MANBA: variants seen among roughly 807,000 people sequenced by gnomAD.
The protein encoded by MANBA is mannosidase beta.
In MANBA, 83 loss-of-function variants were observed where a neutral mutation model predicts 111.1. The observed-to-expected ratio is 0.75, with a 90% CI of 0.63 to 0.90. The LOEUF (loss-of-function observed/expected upper bound fraction) is 0.90, where lower values mean the gene tolerates loss of function less well. MANBA is among the 40% of genes least tolerant of loss of function. The pLI, the probability that MANBA is intolerant of heterozygous loss-of-function variation, is 0.00. For missense variants in MANBA, 1,036 were observed against 1,069.0 expected (o/e 0.97, Z 0.43); for synonymous variants, 370 against 378.7 (o/e 0.98, Z 0.27).
At chr4:102,638,960 C>A (rs916459754) in intron 14 of MANBA, among the ~76,000 whole-genome samples, 1 of 152,316 alleles carries the variant, frequency 6.6e-6, no homozygotes, top group African/African-American at 2.4e-5. Context: ...TACTTTGTGG[C>A]CTTGCCTCGT....
At chr4:102,735,055 C>T (rs1366359189) in intron 1 of MANBA, among the ~76,000 whole-genome samples, 1 of 152,146 alleles carries the variant, frequency 6.6e-6, no homozygotes, top group Non-Finnish European at 1.5e-5. Flanking sequence ...ACCTTTTTTG[C>T]TGCTGTGTAG....
chr4:102,661,372 C>T (rs998189104), intron 11 of MANBA, among the ~76,000 whole-genome samples: 1 of 152,114 alleles, frequency 6.6e-6, no homozygotes, highest in African/African-American at 2.4e-5. Flanking sequence ...TTCCCTTTGA[C>T]AGCAGAGTGT....
At chr4:102,738,331 C>T (rs1265180738) in intron 1 of MANBA, among the ~76,000 whole-genome samples, 1 of 152,244 alleles carries the variant, frequency 6.6e-6, no homozygotes, top group Non-Finnish European at 1.5e-5. Flanking sequence ...AATGAAGCTA[C>T]AACCAAGGAC....
intron 1 of MANBA, among the ~76,000 whole-genome samples, chr4:102,743,079 G>T (rs765367058): frequency 6.6e-6 from 1 of 152,204 alleles, no homozygotes; most frequent in Non-Finnish European, 1.5e-5. Context: ...TCCACAGAAC[G>T]AGTCATCCTA....
At chr4:102,673,659 G>A in intron 8 of MANBA, among the ~76,000 whole-genome samples, 1 of 152,036 alleles carries the variant, frequency 6.6e-6, no homozygotes, top group East Asian at 1.9e-4. Context: ...TATTTCTCCA[G>A]AATAAACATA....
At chr4:102,696,534 T>C (rs1211483114) in intron 5 of MANBA, among the ~76,000 whole-genome samples, 1 of 152,158 alleles carries the variant, frequency 6.6e-6, no homozygotes, top group African/African-American at 2.4e-5. Flanking sequence ...TATACCCAAG[T>C]GTCGCAGTTA....
Position 102,635,929 on chromosome 4 carries a change from T to A in MANBA, c.2093A>T (p.Asn698Ile). Residue 698 changes from asparagine to isoleucine, a missense_variant, in exon 15 of 17, where the codon AAT becomes ATT. Physicochemically the swap from Asn to Ile is moderately radical, Grantham distance 149. Coordinates refer to ENST00000647097, the MANE Select transcript of MANBA (RefSeq NM_005908.4). Reference protein sequence around the residue: ...FAPLLPVGFENENTFYIYGVS... With the variant: ...FAPLLPVGFEIENTFYIYGVS... ...ACCATAGATATAGAACGTGTTTTCA[T>A]TCTCAAAGCCTACTGGCAACAGTGG... 6.2e-7 allele frequency: 1 copy of A among 1,612,020 alleles called. No homozygotes were observed. The highest frequency in any genetic ancestry group is 2.2e-5 in the East Asian group (1 of 44,874).
At position 102,734,692 on chromosome 4, in the gene MANBA, C is replaced by A. The variant is rs1242647964; in HGVS notation, c.178-8009G>T. 2.9e-5 allele frequency: 28 copies of A among 982,160 alleles called. No homozygotes were observed. In the South Asian group the frequency reaches 4.4e-4, roughly 15 times the overall value. 60.8% of individuals were successfully genotyped at this position (982,160 alleles called of 1,614,324 possible). Reference sequence around the variant, plus strand: ...CCTCCTGGGAATCTATATCCTGTTCCCCCTCTCCATCCCAGGTTCAGGGTC... The same window carrying A: ...CCTCCTGGGAATCTATATCCTGTTCACCCTCTCCATCCCAGGTTCAGGGTC... On this transcript the variant is annotated intron_variant, in intron 1 of 16. Transcript: ENST00000647097.
chr4:102,711,909 G>T (rs1383677286), intron 5 of MANBA, among the ~76,000 whole-genome samples: 3 of 152,040 alleles, frequency 2.0e-5, no homozygotes, highest in African/African-American at 7.2e-5. Flanking sequence ...GGCTAGGAGG[G>T]GTATATGAGT....
intron 7 of MANBA, among the ~76,000 whole-genome samples, chr4:102,676,664 T>C (rs1731741500): frequency 6.6e-6 from 1 of 151,862 alleles, no homozygotes; most frequent in African/African-American, 2.4e-5. Context: ...TGTATTTGTC[T>C]GTTATCAGCA....
intron 8 of MANBA, 121 bp from the exon 9 acceptor site, chr4:102,671,519 T>C: frequency 2.9e-6 from 2 of 692,534 alleles, no homozygotes; most frequent in South Asian, 1.6e-5. Flanking sequence ...TTGGTTACAA[T>C]GTAAATTAAA....
intron 11 of MANBA, among the ~76,000 whole-genome samples, chr4:102,660,513 G>A (rs1578878558): frequency 2.0e-5 from 3 of 151,974 alleles, no homozygotes; most frequent in East Asian, 3.8e-4. Flanking sequence ...GGAGTGCAGT[G>A]GCATGATCAT....
chr4:102,716,309 CAAAA>C (rs56345161), intron 4 of MANBA, among the ~76,000 whole-genome samples: 1 of 39,112 alleles, frequency 2.6e-5, no homozygotes, highest in South Asian at 1.5e-3. Context: ...AACTCAGTCT[CAAAA>C]AAAAAAAAAA....
intron 11 of MANBA, among the ~76,000 whole-genome samples, chr4:102,660,540 G>A (rs1578878602): frequency 1.3e-5 from 2 of 151,774 alleles, no homozygotes; most frequent in Admixed American, 6.6e-5. Flanking sequence ...CTGCAGCCTC[G>A]ACCTTCTGGG....
chr4:102,669,632 G>T (rs1319854273), intron 9 of MANBA, among the ~76,000 whole-genome samples: 1 of 151,840 alleles, frequency 6.6e-6, no homozygotes, highest in African/African-American at 2.4e-5. Context: ...ATCACCTGAG[G>T]TCAAGAGTTC....
chr4:102,691,624 G>C (rs929988059), intron 5 of MANBA, among the ~76,000 whole-genome samples: 4 of 150,952 alleles, frequency 2.6e-5, no homozygotes, highest in African/African-American at 9.8e-5. Context: ...TCCTGCCTCA[G>C]CCTTCTGAGC....
chr4:102,743,881 C>T (rs576478046), intron 1 of MANBA, among the ~76,000 whole-genome samples: 1 of 152,290 alleles, frequency 6.6e-6, no homozygotes, highest in South Asian at 2.1e-4. Flanking sequence ...GGCTTTGCTC[C>T]AAAATCCTAG....
At chr4:102,654,868 C>T in intron 12 of MANBA, among the ~76,000 whole-genome samples, 1 of 151,934 alleles carries the variant, frequency 6.6e-6, no homozygotes. Flanking sequence ...AAAAGGCTTC[C>T]AGATTGGAAA....
At position 102,664,847 on chromosome 4, in the gene MANBA, C is replaced by T; in HGVS notation, c.1323G>A (p.Lys441=). Residue 441 remains lysine, a synonymous_variant, in exon 11 of 17, where the codon AAG becomes AAA. Coordinates refer to ENST00000647097, the MANE Select transcript of MANBA (RefSeq NM_005908.4). ...SVTAEVAYQI[K]RLKSHPSIII... is the part of the protein sequence containing the mutation. ...TGATAGAAGGATGAGATTTCAGTCTCTTGATCTGAAAATTAAGAAAACATA... is the reference window on the plus strand; with the variant it reads ...TGATAGAAGGATGAGATTTCAGTCTTTTGATCTGAAAATTAAGAAAACATA... 4 of 1,599,810 alleles carry T rather than the reference C, an allele frequency of 2.5e-6. No homozygotes were observed. The South Asian group carries it at 3.3e-5, about 13-fold the overall frequency.
Sources: allele counts gnomAD v4.1 joint callset (sites outside exome capture counted in the v4.1 genomes callset), GRCh38; gene constraint gnomAD v4.1.1; transcripts MANE v1.5; gene names NCBI Gene and HGNC (gene_info 2026-07-23, HGNC 2026-07-21).